The following HMGCLL1 variants were observed in gnomAD, a reference collection of about 807,000 sequenced individuals.
HMGCLL1 encodes 3-hydroxy-3-methylglutaryl-CoA lyase like 1.
In HMGCLL1, 36 loss-of-function variants were observed where a neutral mutation model predicts 39.1. That is an observed-to-expected ratio of 0.92 (90% CI 0.71 to 1.22). HMGCLL1 has a LOEUF of 1.22. Ranked by LOEUF, HMGCLL1 falls within the 50% of genes most tolerant of loss-of-function variation. The pLI, the probability that HMGCLL1 is intolerant of heterozygous loss-of-function variation, is 0.00. For synonymous variants in HMGCLL1, 149 were observed against 144.0 expected (o/e 1.03, Z -0.25); for missense variants, 451 against 416.5 (o/e 1.08, Z -0.72).
intron 7 of HMGCLL1, 148 bp downstream of exon 7, chr6:55,495,271 C>A: frequency 5.2e-6 from 3 of 572,454 alleles, no homozygotes; most frequent in East Asian, 3.3e-5. Context: ...CAAATATTTC[C>A]CAAGTGCCTG....
At position 55,434,831 on chromosome 6, in the gene HMGCLL1, T is replaced by A. The variant is rs1763306607; in HGVS notation, c.*831A>T. The stretch of plus-strand genomic sequence containing the variant: ...AGGATCACAATATTTCCTTGGGCAA[T>A]TTGAAAGTGATCTGAAAATTATAAA... On this transcript the variant is annotated 3_prime_UTR_variant, in exon 9 of 9. Transcript: ENST00000274901. 6.6e-6 allele frequency: 1 copy of A among 152,078 alleles called. No homozygotes were observed. Among genetic ancestry groups the A allele is most frequent in the Admixed American group, 6.6e-5 (1 of 15,220 alleles). 9.4% of individuals were successfully genotyped at this position (152,078 alleles called of 1,614,324 possible).
At chr6:55,446,255 A>T (rs1475887557) in intron 7 of HMGCLL1, among the ~76,000 whole-genome samples, 1 of 148,524 alleles carries the variant, frequency 6.7e-6, no homozygotes, top group Non-Finnish European at 1.5e-5. Flanking sequence ...TATATAACAT[A>T]TATAACATGT....
the HMGCLL1 span, among the ~76,000 whole-genome samples, chr6:55,610,372 G>T: frequency 1.3e-5 from 2 of 151,990 alleles, no homozygotes; most frequent in Admixed American, 1.3e-4. Context: ...CACAGCACGA[G>T]AATTTCATGA....
At chr6:55,470,508 A>T (rs999386405) in intron 7 of HMGCLL1, among the ~76,000 whole-genome samples, 1 of 151,866 alleles carries the variant, frequency 6.6e-6, no homozygotes, top group Non-Finnish European at 1.5e-5. Context: ...AAGTCCCAAA[A>T]TGGTTACATT....
the HMGCLL1 span, among the ~76,000 whole-genome samples, chr6:55,648,416 T>C: frequency 9.3e-6 from 1 of 107,514 alleles, no homozygotes; most frequent in Non-Finnish European, 1.9e-5. Flanking sequence ...AAAAAATCAA[T>C]GAATCCAGGA....
intron 5 of HMGCLL1, among the ~76,000 whole-genome samples, chr6:55,500,085 C>T (rs1283296965): frequency 1.3e-5 from 2 of 151,832 alleles, no homozygotes; most frequent in South Asian, 2.1e-4. Context: ...TAATGCATAA[C>T]GAGTATGATA....
chr6:55,493,791 G>A (rs1340714892), intron 7 of HMGCLL1, among the ~76,000 whole-genome samples: 1 of 151,666 alleles, frequency 6.6e-6, no homozygotes, highest in Non-Finnish European at 1.5e-5. Flanking sequence ...GCAGTGCAGT[G>A]GTACGATCTC....
chr6:55,504,524 CT>C (rs1173658469), intron 5 of HMGCLL1, among the ~76,000 whole-genome samples: 1 of 151,658 alleles, frequency 6.6e-6, no homozygotes, highest in Non-Finnish European at 1.5e-5. Context: ...CAAGACAGCA[CT>C]TTGTTTAAAA....
At chr6:55,639,427 T>C in the HMGCLL1 span, among the ~76,000 whole-genome samples, 1 of 151,226 alleles carries the variant, frequency 6.6e-6, no homozygotes, top group East Asian at 1.9e-4. Flanking sequence ...GGAAATGCTT[T>C]CCAAACACCA....
the HMGCLL1 span, among the ~76,000 whole-genome samples, chr6:55,667,422 C>T: frequency 5.5e-3 from 841 of 151,826 alleles, 11 homozygotes; most frequent in African/African-American, 0.019. Context: ...AGGATTGGAA[C>T]GGATATTATC....
chr6:55,634,399 A>G, the HMGCLL1 span, among the ~76,000 whole-genome samples: 3 of 151,732 alleles, frequency 2.0e-5, no homozygotes, highest in Non-Finnish European at 2.9e-5. Flanking sequence ...AGAATCCCTG[A>G]GTAAGCTTTT....
intron 1 of HMGCLL1, among the ~76,000 whole-genome samples, chr6:55,557,284 C>G (rs1028756674): frequency 6.6e-6 from 1 of 152,148 alleles, no homozygotes; most frequent in Non-Finnish European, 1.5e-5. Context: ...AGCCTTTAAG[C>G]CAGACACTAA....
intron 5 of HMGCLL1, 49 bp from the exon 6 acceptor site, chr6:55,499,348 T>C: frequency 7.5e-7 from 1 of 1,341,438 alleles, no homozygotes; most frequent in Non-Finnish European, 1.0e-6. Flanking sequence ...AAATAAGCCA[T>C]TTCCATTTTA....
upstream of HMGCLL1, among the ~76,000 whole-genome samples, chr6:55,583,814 G>T (rs531819925): frequency 5.3e-5 from 8 of 152,238 alleles, no homozygotes; most frequent in South Asian, 1.7e-3. Context: ...GTGGTGCTGA[G>T]ATTTGTTTTT....
At chr6:55,561,160 T>C (rs1770926576) in intron 1 of HMGCLL1, among the ~76,000 whole-genome samples, 1 of 152,156 alleles carries the variant, frequency 6.6e-6, no homozygotes, top group Admixed American at 6.6e-5. Flanking sequence ...TATAAACAAA[T>C]AGTATGTAAT....
At chr6:55,454,933 T>G (rs1170716833) in intron 7 of HMGCLL1, among the ~76,000 whole-genome samples, 1 of 152,114 alleles carries the variant, frequency 6.6e-6, no homozygotes, top group Non-Finnish European at 1.5e-5. Flanking sequence ...TAAAATATTA[T>G]GTATGCTATT....
chr6:55,502,501 A>C (rs866636910), intron 5 of HMGCLL1, among the ~76,000 whole-genome samples: 3 of 151,466 alleles, frequency 2.0e-5, no homozygotes, highest in Non-Finnish European at 3.0e-5. Flanking sequence ...TACTTTTACA[A>C]TTTCTATTAA....
At chr6:55,615,137 A>G in the HMGCLL1 span, among the ~76,000 whole-genome samples, 1 of 152,122 alleles carries the variant, frequency 6.6e-6, no homozygotes, top group Non-Finnish European at 1.5e-5. Context: ...CTAACACCAG[A>G]TTATACATAA....
the HMGCLL1 span, among the ~76,000 whole-genome samples, chr6:55,632,874 C>T: frequency 2.6e-5 from 4 of 152,028 alleles, no homozygotes; most frequent in Admixed American, 6.6e-5. Context: ...AGTTGATTCT[C>T]CTGTGAATTT....
Sources: gnomAD v4.1 joint callset for allele counts (sites outside exome capture counted in the v4.1 genomes callset) on GRCh38, gnomAD v4.1.1 for gene constraint, MANE v1.5 for transcripts, NCBI Gene and HGNC (gene_info 2026-07-23, HGNC 2026-07-21) for gene names.